The following PGCKA1 variants were observed in gnomAD, a reference collection of about 807,000 sequenced individuals.
The protein encoded by PGCKA1 is PDCD10 and GCKIII kinases-associated protein 1.
the PGCKA1 span, among the ~76,000 whole-genome samples, chr4:37,463,922 C>T: frequency 6.6e-6 from 1 of 151,812 alleles, no homozygotes; most frequent in African/African-American, 2.4e-5. Flanking sequence ...AACAAGCTAA[C>T]AAATACAAAC....
chr4:37,489,996 T>G, the PGCKA1 span, among the ~76,000 whole-genome samples: 8 of 151,868 alleles, frequency 5.3e-5, no homozygotes, highest in South Asian at 1.7e-3. Context: ...CTATCATTCT[T>G]AACACTAGAT....
the PGCKA1 span, among the ~76,000 whole-genome samples, chr4:37,507,237 C>T: frequency 1.3e-5 from 2 of 152,044 alleles, no homozygotes; most frequent in African/African-American, 4.8e-5. Flanking sequence ...TCCATTCAGC[C>T]AATCAATGTC....
chr4:37,568,472 C>T, the PGCKA1 span, among the ~76,000 whole-genome samples: 1 of 152,214 alleles, frequency 6.6e-6, no homozygotes. Flanking sequence ...AGCCTCGTCC[C>T]TCTCAGGGAC....
At chr4:37,500,106 A>G in the PGCKA1 span, among the ~76,000 whole-genome samples, 28 of 151,568 alleles carry the variant, frequency 1.8e-4, no homozygotes, top group African/African-American at 6.0e-4. Flanking sequence ...TTGCATTTTT[A>G]GTAGAGACAG....
At chr4:37,535,206 G>C in the PGCKA1 span, among the ~76,000 whole-genome samples, 1 of 152,178 alleles carries the variant, frequency 6.6e-6, no homozygotes. Context: ...AACTCCCAAA[G>C]TGTGACAGCG....
At chr4:37,491,461 A>G in the PGCKA1 span, among the ~76,000 whole-genome samples, 2 of 152,036 alleles carry the variant, frequency 1.3e-5, no homozygotes, top group African/African-American at 4.8e-5. Context: ...TAGTTTTTTT[A>G]CTTGTTTGTA....
chr4:37,469,446 A>G, the PGCKA1 span, among the ~76,000 whole-genome samples: 2 of 152,182 alleles, frequency 1.3e-5, no homozygotes, highest in African/African-American at 4.8e-5. Flanking sequence ...AAGGAGAGAA[A>G]GCGTGGAAGA....
chr4:37,523,881 C>T, the PGCKA1 span, among the ~76,000 whole-genome samples: 1 of 152,122 alleles, frequency 6.6e-6, no homozygotes, highest in Non-Finnish European at 1.5e-5. Flanking sequence ...GATCTTGTGT[C>T]TCTTCTTCTT....
At chr4:37,576,030 G>A in the PGCKA1 span, among the ~76,000 whole-genome samples, 3 of 152,100 alleles carry the variant, frequency 2.0e-5, no homozygotes, top group African/African-American at 7.2e-5. Context: ...CAGGTAATGT[G>A]ATTCTTCCAT....
the PGCKA1 span, among the ~76,000 whole-genome samples, chr4:37,589,924 A>T: frequency 6.6e-6 from 1 of 152,168 alleles, no homozygotes; most frequent in African/African-American, 2.4e-5. Context: ...GAGCCACCAA[A>T]CATTTTTATA....
At chr4:37,490,391 C>T in the PGCKA1 span, among the ~76,000 whole-genome samples, 5 of 152,140 alleles carry the variant, frequency 3.3e-5, no homozygotes, top group Non-Finnish European at 7.4e-5. Flanking sequence ...AAAGACTAGA[C>T]TCATGTTCTT....
the PGCKA1 span, among the ~76,000 whole-genome samples, chr4:37,464,741 T>A: frequency 1.3e-5 from 2 of 152,374 alleles, no homozygotes; most frequent in East Asian, 3.9e-4. Context: ...AATTTCCTCA[T>A]TATGAAATTG....
At chr4:37,529,099 T>G in the PGCKA1 span, among the ~76,000 whole-genome samples, 1 of 151,156 alleles carries the variant, frequency 6.6e-6, no homozygotes, top group Admixed American at 6.7e-5. Context: ...AATCTAGCTT[T>G]AAGTTTTATA....
the PGCKA1 span, among the ~76,000 whole-genome samples, chr4:37,453,464 G>A: frequency 1.3e-5 from 2 of 152,086 alleles, no homozygotes; most frequent in Non-Finnish European, 2.9e-5. Context: ...ATACAGGGCT[G>A]GCCATGGAAC....
the PGCKA1 span, among the ~76,000 whole-genome samples, chr4:37,539,023 AC>A: frequency 6.6e-6 from 1 of 151,692 alleles, no homozygotes; most frequent in Non-Finnish European, 1.5e-5. Flanking sequence ...CCTAAGAATG[AC>A]CCCCACATAG....
the PGCKA1 span, among the ~76,000 whole-genome samples, chr4:37,549,929 C>T: frequency 1.3e-5 from 2 of 152,168 alleles, no homozygotes; most frequent in South Asian, 4.1e-4. Flanking sequence ...GACTTATTTT[C>T]CTTAAAATTT....
chr4:37,462,949 C>T, the PGCKA1 span, among the ~76,000 whole-genome samples: 14 of 121,086 alleles, frequency 1.2e-4, no homozygotes, highest in East Asian at 1.4e-3. Flanking sequence ...GGTGACAGAG[C>T]GAGACTCAGT....
chr4:37,588,224 TGCA>T, the PGCKA1 span: 1 of 152,312 alleles, frequency 6.6e-6, no homozygotes, highest in African/African-American at 2.4e-5. Flanking sequence ...GTCTTTGAGC[TGCA>T]AAAGAACAGG....
At chr4:37,480,518 A>G in the PGCKA1 span, among the ~76,000 whole-genome samples, 1 of 152,118 alleles carries the variant, frequency 6.6e-6, no homozygotes, top group African/African-American at 2.4e-5. Flanking sequence ...AAACAAAAAA[A>G]ACTGAGAGGG....
Sources: allele counts gnomAD v4.1 joint callset (sites outside exome capture counted in the v4.1 genomes callset), GRCh38; gene constraint gnomAD v4.1.1; transcripts MANE v1.5; gene names NCBI Gene and HGNC (gene_info 2026-07-23, HGNC 2026-07-21).